Variants in SNTG1 observed in about 807,000 individuals in gnomAD.
SNTG1 encodes the protein syntrophin gamma 1.
Under a neutral mutation model 74.7 loss-of-function variants are expected in SNTG1, and 39 were observed. That is an observed-to-expected ratio of 0.52 (90% CI 0.40 to 0.68). The LOEUF (loss-of-function observed/expected upper bound fraction) is 0.68. SNTG1 is among the 30% of genes least tolerant of loss of function. The probability of loss-of-function intolerance (pLI) is 0.00; values close to 1 mark genes in which losing one functional copy is unlikely to be tolerated. For missense variants in SNTG1, 685 were observed against 609.5 expected (o/e 1.12, Z -1.30); for synonymous variants, 254 against 217.1 (o/e 1.17, Z -1.49).
At chr8:50,368,000 G>A (rs1217022010) in intron 2 of SNTG1, among the ~76,000 whole-genome samples, 2 of 152,118 alleles carry the variant, frequency 1.3e-5, no homozygotes, top group African/African-American at 2.4e-5. Flanking sequence ...TCTACGAAGG[G>A]ACTATTGGTA....
At chr8:50,630,028 G>A (rs2094985756) in intron 13 of SNTG1, among the ~76,000 whole-genome samples, 1 of 152,110 alleles carries the variant, frequency 6.6e-6, no homozygotes, top group Non-Finnish European at 1.5e-5. Flanking sequence ...TTTAACATCT[G>A]GATAGTTTTT....
chr8:50,683,384 T>C (rs530714149), intron 15 of SNTG1, among the ~76,000 whole-genome samples: 3 of 152,316 alleles, frequency 2.0e-5, no homozygotes, highest in Non-Finnish European at 2.9e-5. Flanking sequence ...ATGAACATTC[T>C]TTAGTCCTGA....
intron 2 of SNTG1, among the ~76,000 whole-genome samples, chr8:50,310,305 T>C (rs908468338): frequency 6.6e-6 from 1 of 152,354 alleles, no homozygotes; most frequent in Admixed American, 6.5e-5. Context: ...ATAAAGATTT[T>C]AATTGCTAAC....
chr8:50,102,894 G>A (rs2080199854), intron 1 of SNTG1, among the ~76,000 whole-genome samples: 1 of 149,136 alleles, frequency 6.7e-6, no homozygotes, highest in Non-Finnish European at 1.5e-5. Context: ...ATTTCTGAGG[G>A]CTCTGTTCTG....
chr8:50,604,552 G>A (rs1336572452), intron 13 of SNTG1, among the ~76,000 whole-genome samples: 1 of 152,010 alleles, frequency 6.6e-6, no homozygotes, highest in African/African-American at 2.4e-5. Context: ...GGGGAGTTCT[G>A]CCAGGCTACC....
At chr8:50,340,205 A>C (rs535408474) in intron 2 of SNTG1, among the ~76,000 whole-genome samples, 12 of 152,008 alleles carry the variant, frequency 7.9e-5, no homozygotes, top group Admixed American at 7.9e-4. Flanking sequence ...TATTTTGTAG[A>C]TACTAATAAA....
chr8:50,459,555 T>G (rs2093540800), intron 8 of SNTG1, among the ~76,000 whole-genome samples: 1 of 152,130 alleles, frequency 6.6e-6, no homozygotes, highest in African/African-American at 2.4e-5. Flanking sequence ...ATTGTGGAGG[T>G]ACATGTGCAG....
At position 50,328,224 on chromosome 8, in the gene SNTG1, C is replaced by T. The variant is rs75492795; in HGVS notation, c.-27-65988C>T. Among the ~76,000 whole-genome samples, 919 of 152,268 alleles carry T rather than the reference C, an allele frequency of 6.0e-3. 7 individuals are homozygous for T. Among genetic ancestry groups the T allele is most frequent in the African/African-American group, 0.021 (861 of 41,544 alleles). The stretch of plus-strand genomic sequence containing the variant: ...ATATTTTGCAAGACAGGGCTATTGG[C>T]AACAAATTCTCTGAACTTTTGTTAG... On this transcript the variant is annotated intron_variant, in intron 2 of 18. Transcript: ENST00000642720.
At chr8:50,086,355 T>A (rs992955166) in intron 1 of SNTG1, among the ~76,000 whole-genome samples, 4 of 152,150 alleles carry the variant, frequency 2.6e-5, no homozygotes, top group Non-Finnish European at 5.9e-5. Context: ...GAAGCTATAA[T>A]TGAGTAAACT....
At position 50,630,999 on chromosome 8, in the gene SNTG1, T is replaced by C. The variant is rs900090693; in HGVS notation, c.850-25910T>C. Among the ~76,000 whole-genome samples the C allele has an allele frequency of 2.0e-5, 3 of 152,184 alleles. No homozygotes were observed. In the South Asian group the frequency reaches 6.2e-4, roughly 32 times the overall value. ...AGATGTACATATCCAGGGAGAAAGC[T>C]TCCTAGTTTTCCAGGAGACCTCAGG... On this transcript the variant is annotated intron_variant, in intron 13 of 18. Transcript: ENST00000642720.
chr8:50,541,351 A>G (rs2094345510), intron 11 of SNTG1, among the ~76,000 whole-genome samples: 1 of 151,904 alleles, frequency 6.6e-6, no homozygotes, highest in East Asian at 1.9e-4. Flanking sequence ...TTTTGTATGA[A>G]CAGTTCCATC....
At chr8:50,559,338 T>C (rs922340454) in intron 12 of SNTG1, among the ~76,000 whole-genome samples, 4 of 152,210 alleles carry the variant, frequency 2.6e-5, no homozygotes, top group African/African-American at 9.6e-5. Context: ...CAAAATGGAT[T>C]GTTTGTTTCC....
At chr8:50,229,984 A>G (rs1157216912) in intron 2 of SNTG1, among the ~76,000 whole-genome samples, 4 of 151,588 alleles carry the variant, frequency 2.6e-5, no homozygotes, top group African/African-American at 4.8e-5. Flanking sequence ...TAAATAACAC[A>G]TAAGCCAAAG....
At chr8:50,481,912 G>T (rs1483340587) in intron 8 of SNTG1, among the ~76,000 whole-genome samples, 1 of 152,184 alleles carries the variant, frequency 6.6e-6, no homozygotes, top group Non-Finnish European at 1.5e-5. Context: ...TCATGGAAGT[G>T]AGACAGTCAG....
chr8:49,915,719 C>G (rs78066771), intron 1 of SNTG1, among the ~76,000 whole-genome samples: 1,929 of 152,234 alleles, frequency 0.013, 44 homozygotes, highest in African/African-American at 0.042. Context: ...CGATGAAATA[C>G]ACTTCAAAAC....
intron 11 of SNTG1, among the ~76,000 whole-genome samples, chr8:50,541,932 T>TG (rs2094350221): frequency 1.3e-5 from 2 of 151,902 alleles, no homozygotes; most frequent in South Asian, 4.2e-4. Context: ...TGTCTTTTTG[T>TG]GCCTGGATTA....
intron 1 of SNTG1, among the ~76,000 whole-genome samples, chr8:50,164,879 C>T (rs2082558415): frequency 6.6e-6 from 1 of 152,152 alleles, no homozygotes; most frequent in Non-Finnish European, 1.5e-5. Context: ...AAAGTTCATT[C>T]TTCTGAATAT....
At chr8:50,271,639 G>A (rs754167193) in intron 2 of SNTG1, among the ~76,000 whole-genome samples, 14 of 151,978 alleles carry the variant, frequency 9.2e-5, no homozygotes, top group Non-Finnish European at 4.4e-5. Flanking sequence ...TTCTTTCATC[G>A]GGATGGTTCA....
At chr8:50,175,157 G>A (rs745973710) in intron 2 of SNTG1, among the ~76,000 whole-genome samples, 7 of 152,160 alleles carry the variant, frequency 4.6e-5, no homozygotes, top group Non-Finnish European at 1.0e-4. Context: ...ATCGTGAATA[G>A]TGCCGCAATA....
Sources: allele counts gnomAD v4.1 joint callset (sites outside exome capture counted in the v4.1 genomes callset), GRCh38; gene constraint gnomAD v4.1.1; transcripts MANE v1.5; gene names NCBI Gene and HGNC (gene_info 2026-07-23, HGNC 2026-07-21).